The following EIF3B variants were observed in gnomAD, a reference collection of about 807,000 sequenced individuals.
EIF3B encodes eukaryotic translation initiation factor 3 subunit B.
EIF3B carries 10 observed loss-of-function variants against 104.6 expected under a neutral mutation model. That is an observed-to-expected ratio of 0.10 (90% CI 0.06 to 0.16). The LOEUF is 0.16. Among genes scored for constraint, EIF3B ranks in the 10% least tolerant of loss-of-function variants. The pLI, the probability that EIF3B is intolerant of heterozygous loss-of-function variation, is 1.00. For synonymous variants in EIF3B, 542 were observed against 417.2 expected, an observed-to-expected ratio of 1.30 and a Z score of -3.65; for missense variants, 1,014 against 1,087.9, an observed-to-expected ratio of 0.93 and a Z score of 0.96.
At position 2,377,142 on chromosome 7, in the gene EIF3B, T is replaced by G. The variant is rs1188204241; in HGVS notation, c.2154+67T>G. 8 of 1,528,738 alleles carry G rather than the reference T, an allele frequency of 5.2e-6. No homozygotes were observed. The East Asian group carries it at 1.8e-4, about 35-fold the overall frequency. The allele number at this position is 1,528,738 out of a possible 1,614,324, so 94.7% of individuals were successfully genotyped here. Reference sequence around the variant, plus strand: ...AATTGTGGCGTTGAAAAGGTGTCAGTTTTTTCTGTTATTGTTAGGGTGGTG... The same window carrying G: ...AATTGTGGCGTTGAAAAGGTGTCAGGTTTTTCTGTTATTGTTAGGGTGGTG... On this transcript the variant is annotated intron_variant, in intron 15 of 18. Coordinates refer to ENST00000360876, the MANE Select transcript of EIF3B (RefSeq NM_001037283.2).
chr7:2,362,978 G>A (rs1185125449), intron 3 of EIF3B, 92 bp from the exon 4 acceptor site: 2 of 1,518,878 alleles, frequency 1.3e-6, no homozygotes, highest in Admixed American at 1.7e-5. Context: ...GGGCGGGCAG[G>A]CAGGAGCACA....
At chr7:2,368,617 T>C (rs1780157711) in intron 9 of EIF3B, among the ~76,000 whole-genome samples, 1 of 152,212 alleles carries the variant, frequency 6.6e-6, no homozygotes, top group African/African-American at 2.4e-5. Context: ...TCCATCTACC[T>C]CGTCTTTGAT....
intron 15 of EIF3B, 95 bp downstream of exon 15, chr7:2,377,170 T>A: frequency 6.8e-7 from 1 of 1,462,302 alleles, no homozygotes; most frequent in African/African-American, 1.4e-5. Context: ...GGGTGGTGAC[T>A]GGGGGATAAA....
chr7:2,380,264 G>C lies in EIF3B; in HGVS notation c.*75G>C, dbSNP rs1175802418. 1 of 494,576 alleles carries C rather than the reference G, an allele frequency of 2.0e-6. No individual in the cohort carries two copies. Among genetic ancestry groups the C allele is most frequent in the Admixed American group, 2.1e-5 (1 of 47,342 alleles). The allele number at this position is 494,576 out of a possible 1,614,324, so 30.6% of individuals were successfully genotyped here. ...ACAGGACTCCCGAGTGTGAGCCGCG[G>C]TTCCTCTGTTGCAGCGCAGCCGTGT... On this transcript the variant is annotated 3_prime_UTR_variant, in exon 19 of 19. Transcript: ENST00000360876.
Position 2,380,660 on chromosome 7 carries a change from C to T in EIF3B, c.*471C>T. 1 of 231,806 alleles carries T rather than the reference C, an allele frequency of 4.3e-6. No individual in the cohort carries two copies. Among genetic ancestry groups the T allele is most frequent in the Non-Finnish European group, 8.9e-6 (1 of 112,202 alleles). 14.4% of individuals were successfully genotyped at this position (231,806 alleles called of 1,614,324 possible). ...CCGGAGACCCACCGGGAGGGCGCCG[C>T]CATGCCTTGTACCCCCACCGTGCAG... is the stretch of plus-strand genomic sequence containing the variant. On this transcript the variant is annotated 3_prime_UTR_variant, in exon 19 of 19. Coordinates refer to ENST00000360876, the MANE Select transcript of EIF3B (RefSeq NM_001037283.2).
intron 10 of EIF3B, among the ~76,000 whole-genome samples, chr7:2,371,435 G>A (rs1780334247): frequency 6.6e-6 from 1 of 152,334 alleles, no homozygotes; most frequent in African/African-American, 2.4e-5. Flanking sequence ...AGCCCCATTG[G>A]TGTGCCTTTA....
intron 1 of EIF3B, among the ~76,000 whole-genome samples, chr7:2,358,862 C>T (rs1383698511): frequency 6.6e-6 from 1 of 152,184 alleles, no homozygotes; most frequent in Non-Finnish European, 1.5e-5. Context: ...TGCTTTCCAG[C>T]AGCCCTGCGA....
intron 1 of EIF3B, among the ~76,000 whole-genome samples, chr7:2,357,604 C>G (rs1779519796): frequency 1.3e-5 from 2 of 152,200 alleles, no homozygotes; most frequent in South Asian, 4.1e-4. Context: ...AGGATTTTAA[C>G]TCTAAATGTC....
intron 1 of EIF3B, among the ~76,000 whole-genome samples, chr7:2,355,644 A>G (rs1779377926): frequency 6.6e-6 from 1 of 152,132 alleles, no homozygotes; most frequent in Non-Finnish European, 1.5e-5. Flanking sequence ...GACAGGGTGG[A>G]GCTCACTTCG....
In EIF3B at chr7:2,366,984, C is replaced by CT. The variant is rs755681556; in HGVS notation, c.1357-7dup. The CT allele has an allele frequency of 6.9e-5, 111 of 1,606,992 alleles. No homozygotes were observed. Among genetic ancestry groups the CT allele is most frequent in the Middle Eastern group, 1.7e-4 (1 of 6,060 alleles). On this transcript the variant is annotated splice_polypyrimidine_tract_variant and intron_variant, in intron 8 of 18. Transcript: ENST00000360876. ...ATGATTTGACTCAACTGCAGCCTTC[C>CT]TTTTTTTTGGGCAGTCTATGGGTCT...
At chr7:2,378,801 G>C (rs1263324125) in intron 16 of EIF3B, 35 bp downstream of exon 16, 1 of 1,579,656 alleles carries the variant, frequency 6.3e-7, no homozygotes, top group East Asian at 2.2e-5. Context: ...GCTGTGCTGT[G>C]ACATCCGCCA....
chr7:2,376,766 C>G (rs934766108), intron 14 of EIF3B, 184 bp from the exon 15 acceptor site: 1 of 750,284 alleles, frequency 1.3e-6, no homozygotes, highest in Admixed American at 3.2e-5. Flanking sequence ...CACTCCGGGT[C>G]GGTTGCATAA....
In EIF3B at chr7:2,377,053, T is replaced by C. The variant is rs1346094497; in HGVS notation, c.2132T>C (p.Leu711Pro). ...QLLWRPRPPT[L>P]LSQEQIKQIK... ...CTGTGGCGGCCCCGGCCTCCCACACTCCTGAGCCAGGAACAGATCAAGGTC... is the reference window on the plus strand; with the variant it reads ...CTGTGGCGGCCCCGGCCTCCCACACCCCTGAGCCAGGAACAGATCAAGGTC... The change falls in exon 15 of 19, where the codon CTC becomes CCC. Residue 711 changes from leucine to proline, a missense_variant. By Grantham distance (98) the Leu-to-Pro change is moderately conservative. Transcript: ENST00000360876. The C allele has an allele frequency of 2.5e-6, 4 of 1,613,344 alleles. No homozygotes were observed. Among genetic ancestry groups the C allele is most frequent in the Non-Finnish European group, 3.4e-6 (4 of 1,179,892 alleles).
intron 2 of EIF3B, among the ~76,000 whole-genome samples, chr7:2,361,411 G>A (rs748139975): frequency 6.6e-6 from 1 of 152,076 alleles, no homozygotes; most frequent in Non-Finnish European, 1.5e-5. Flanking sequence ...AACATTCTCT[G>A]AGGTTCTTTC....
rs60402825 is a variant in EIF3B at position 2,361,952 on chromosome 7, C to CTTAT, written c.693-671_693-668dup. ...CTACCACGCCTGGCTTGCTTGCTTGCTTATTTATTTATTTATTTATTTATT... is the reference window on the plus strand; with the variant it reads ...CTACCACGCCTGGCTTGCTTGCTTGCTTATTTATTTATTTATTTATTTATTTATT... On this transcript the variant is annotated intron_variant, in intron 2 of 18. Coordinates refer to ENST00000360876, the MANE Select transcript of EIF3B (RefSeq NM_001037283.2). Among the ~76,000 whole-genome samples, 367 of 148,740 alleles carry CTTAT rather than the reference C, an allele frequency of 2.5e-3. 2 individuals are homozygous for CTTAT. The highest frequency in any genetic ancestry group is 5.0e-3 in the Admixed American group (75 of 14,906).
At chr7:2,378,957 G>A (rs1249938985) in intron 16 of EIF3B, 177 bp from the exon 17 acceptor site, 14 of 741,332 alleles carry the variant, frequency 1.9e-5, no homozygotes, top group Non-Finnish European at 2.9e-5. Flanking sequence ...TGACCTCACT[G>A]CTGCCTTGTG....
In EIF3B at chr7:2,355,341, C is replaced by T. The variant is rs780492291; in HGVS notation, c.420C>T (p.Pro140=). The change falls in exon 1 of 19, where the codon CCC becomes CCT. Residue 140 remains proline, a synonymous_variant. Coordinates refer to ENST00000360876, the MANE Select transcript of EIF3B (RefSeq NM_001037283.2). ...GNEGRAAEAE[P]RALENGDADE... is the part of the protein sequence containing the mutation. ...AGGGCAGAGCGGCCGAGGCCGAACCCCGGGCGCTGGAGAACGGCGACGCGG... is the reference window on the plus strand; with the variant it reads ...AGGGCAGAGCGGCCGAGGCCGAACCTCGGGCGCTGGAGAACGGCGACGCGG... 5 of 1,540,928 alleles carry T rather than the reference C, an allele frequency of 3.2e-6. No individual in the cohort carries two copies. The highest frequency in any genetic ancestry group is 2.4e-5 in the East Asian group (1 of 41,402).
chr7:2,371,592 C>T lies in EIF3B; in HGVS notation c.1615-185C>T, dbSNP rs149373966. 5.7e-3 allele frequency among the ~76,000 whole-genome samples: 873 copies of T among 152,258 alleles called. 1 individual carries two copies. Among genetic ancestry groups the T allele is most frequent in the Non-Finnish European group, 9.5e-3 (647 of 68,032 alleles). ...CAGTGGCTTCCAGTAGACGTGGTGCCGGCAGTTCTCCAGCCTTAGAACCGT... is the reference window on the plus strand; with the variant it reads ...CAGTGGCTTCCAGTAGACGTGGTGCTGGCAGTTCTCCAGCCTTAGAACCGT... On this transcript the variant is annotated intron_variant, in intron 10 of 18. Coordinates refer to ENST00000360876, the MANE Select transcript of EIF3B (RefSeq NM_001037283.2).
Position 2,355,289 on chromosome 7 carries a change from C to T in EIF3B, c.368C>T (p.Ala123Val). The T allele has an allele frequency of 2.6e-6, 4 of 1,537,058 alleles. No homozygotes were observed. The highest frequency in any genetic ancestry group is 1.8e-4 in the Middle Eastern group (1 of 5,580). Residue 123 changes from alanine to valine, a missense_variant, in exon 1 of 19, where the codon GCG (alanine) becomes GTG (valine). Around this residue, in one of 4 missense-constraint regions of EIF3B, gnomAD observed 488 missense variants for 404.3 expected, o/e 1.21. Coordinates refer to ENST00000360876, the MANE Select transcript of EIF3B (RefSeq NM_001037283.2). ...GAGCGCTCCGACAGCCGGGCCCAGG[C>T]GGTGTCCGAGGACGCGGGAGGAAAC... Reference protein sequence around the residue: ...RDERSDSRAQAVSEDAGGNEG... With the variant: ...RDERSDSRAQVVSEDAGGNEG...
Sources: gnomAD v4.1 joint callset for allele counts (sites outside exome capture counted in the v4.1 genomes callset) on GRCh38, gnomAD v4.1.1 for gene constraint, gnomAD v4.1.1 regional missense constraint, MANE v1.5 for transcripts, NCBI Gene and HGNC (gene_info 2026-07-23, HGNC 2026-07-21) for gene names.